Variants in EFNA5 observed in about 807,000 individuals in gnomAD.
EFNA5 encodes the protein ephrin-A5.
Under a neutral mutation model 22.9 loss-of-function variants are expected in EFNA5, and 5 were observed. The observed-to-expected ratio is 0.22, with a 90% CI of 0.11 to 0.46. The LOEUF (loss-of-function observed/expected upper bound fraction) is 0.46. EFNA5 is among the 20% of genes least tolerant of loss of function. EFNA5 has a pLI of 0.99. For missense variants in EFNA5, 237 were observed against 293.3 expected (o/e 0.81, Z 1.40); for synonymous variants, 113 against 112.2 (o/e 1.01, Z -0.04).
chr5:107,516,778 G>A (rs1212552101), intron 1 of EFNA5, among the ~76,000 whole-genome samples: 1 of 152,148 alleles, frequency 6.6e-6, no homozygotes, highest in African/African-American at 2.4e-5. Context: ...TTGCTCCTCT[G>A]TAGGCTTAGG....
chr5:107,618,132 C>G (rs1749961867), intron 1 of EFNA5, among the ~76,000 whole-genome samples: 3 of 152,144 alleles, frequency 2.0e-5, no homozygotes, highest in Non-Finnish European at 2.9e-5. Context: ...GGTACAATAT[C>G]TTTATGTGCA....
In EFNA5 at chr5:107,573,725, C is replaced by G. The variant is rs545846049; in HGVS notation, c.125+96764G>C. On this transcript the variant is annotated intron_variant, in intron 1 of 4. Coordinates refer to ENST00000333274, the MANE Select transcript of EFNA5 (RefSeq NM_001962.3). ...CATGCTATGGTTTAGAGAGTTCAACCCTTACCTATCAAAAGGTCTGGGAAT... is the reference window on the plus strand; with the variant it reads ...CATGCTATGGTTTAGAGAGTTCAACGCTTACCTATCAAAAGGTCTGGGAAT... 2.0e-5 allele frequency among the ~76,000 whole-genome samples: 3 copies of G among 152,174 alleles called. No individual in the cohort carries two copies. The East Asian group carries it at 5.8e-4, about 29-fold the overall frequency.
intron 1 of EFNA5, among the ~76,000 whole-genome samples, chr5:107,668,778 T>C (rs770265180): frequency 2.0e-5 from 3 of 152,190 alleles, no homozygotes; most frequent in African/African-American, 4.8e-5. Context: ...AGACTGGCTT[T>C]TAACACCATC....
chr5:107,550,997 A>G (rs1156733288), intron 1 of EFNA5, among the ~76,000 whole-genome samples: 1 of 152,250 alleles, frequency 6.6e-6, no homozygotes, highest in African/African-American at 2.4e-5. Context: ...AGTACCCTAC[A>G]TTAATAAGGT....
intron 1 of EFNA5, among the ~76,000 whole-genome samples, chr5:107,463,614 G>C (rs1749894452): frequency 6.6e-6 from 1 of 152,154 alleles, no homozygotes; most frequent in Non-Finnish European, 1.5e-5. Flanking sequence ...AAACAATTTA[G>C]AGAGTAAATA....
intron 1 of EFNA5, among the ~76,000 whole-genome samples, chr5:107,601,527 A>G (rs1749594838): frequency 6.6e-6 from 1 of 152,234 alleles, no homozygotes; most frequent in Admixed American, 6.5e-5. Flanking sequence ...TCTTAAGAAG[A>G]GAGCAAAATA....
At chr5:107,501,678 G>T (rs1157889899) in intron 1 of EFNA5, among the ~76,000 whole-genome samples, 4 of 152,102 alleles carry the variant, frequency 2.6e-5, no homozygotes, top group African/African-American at 9.7e-5. Flanking sequence ...TAAACTAAAA[G>T]TTAAGATACA....
chr5:107,594,443 G>A (rs1423656792), intron 1 of EFNA5, among the ~76,000 whole-genome samples: 2 of 152,140 alleles, frequency 1.3e-5, no homozygotes, highest in African/African-American at 4.8e-5. Context: ...ACTGAGCCAG[G>A]TCACTGCAGG....
At chr5:107,551,402 T>G (rs1748293432) in intron 1 of EFNA5, among the ~76,000 whole-genome samples, 2 of 152,202 alleles carry the variant, frequency 1.3e-5, no homozygotes, top group South Asian at 4.1e-4. Context: ...TACACTCTTC[T>G]GCCTCAGAAA....
At chr5:107,545,831 G>A (rs913776916) in intron 1 of EFNA5, among the ~76,000 whole-genome samples, 10 of 152,102 alleles carry the variant, frequency 6.6e-5, no homozygotes, top group African/African-American at 1.9e-4. Context: ...AAAGCCATTC[G>A]TTTTTTTCCT....
At chr5:107,406,453 C>G (rs993551963) in intron 2 of EFNA5, among the ~76,000 whole-genome samples, 6 of 152,024 alleles carry the variant, frequency 3.9e-5, no homozygotes, top group Non-Finnish European at 7.4e-5. Context: ...CTGGAAAACT[C>G]TCTTGCCAAA....
chr5:107,621,288 G>A (rs761776742), intron 1 of EFNA5, among the ~76,000 whole-genome samples: 2 of 152,132 alleles, frequency 1.3e-5, no homozygotes, highest in African/African-American at 4.8e-5. Context: ...TTGGGAAGCC[G>A]GCTTCTGCTT....
chr5:107,399,883 C>T (rs1748039889), intron 2 of EFNA5, among the ~76,000 whole-genome samples: 1 of 152,060 alleles, frequency 6.6e-6, no homozygotes, highest in African/African-American at 2.4e-5. Flanking sequence ...TAACTTTGGC[C>T]AACTTGAGTA....
At chr5:107,620,523 T>C (rs527548859) in intron 1 of EFNA5, among the ~76,000 whole-genome samples, 1 of 152,392 alleles carries the variant, frequency 6.6e-6, no homozygotes, top group South Asian at 2.1e-4. Context: ...TAATGGGTTC[T>C]GTATTTTCAG....
intron 1 of EFNA5, among the ~76,000 whole-genome samples, chr5:107,617,738 C>T (rs1749952972): frequency 6.6e-6 from 1 of 152,174 alleles, no homozygotes; most frequent in South Asian, 2.1e-4. Flanking sequence ...AGGATTTGGA[C>T]TGAAGTGCTC....
intron 2 of EFNA5, among the ~76,000 whole-genome samples, chr5:107,406,229 A>T: frequency 6.6e-6 from 1 of 150,808 alleles, no homozygotes; most frequent in East Asian, 1.9e-4. Context: ...CAAATATTAA[A>T]TTAATAGAAT....
chr5:107,391,105 G>A (rs563762638), intron 2 of EFNA5, among the ~76,000 whole-genome samples: 13 of 152,354 alleles, frequency 8.5e-5, no homozygotes, highest in Middle Eastern at 3.4e-3. Flanking sequence ...GTTGCAGTGA[G>A]CCGAGACTGA....
At chr5:107,546,402 G>A (rs1302855387) in intron 1 of EFNA5, among the ~76,000 whole-genome samples, 1 of 152,146 alleles carries the variant, frequency 6.6e-6, no homozygotes. Context: ...CCTTTCATAA[G>A]CAAGACAAAT....
intron 1 of EFNA5, among the ~76,000 whole-genome samples, chr5:107,648,100 T>C (rs1179541570): frequency 6.6e-6 from 1 of 152,196 alleles, no homozygotes; most frequent in African/African-American, 2.4e-5. Context: ...TTTGCCTAAA[T>C]CATTCTTGCA....
Sources: allele counts gnomAD v4.1 joint callset (sites outside exome capture counted in the v4.1 genomes callset), GRCh38; gene constraint gnomAD v4.1.1; transcripts MANE v1.5; gene names NCBI Gene and HGNC (gene_info 2026-07-23, HGNC 2026-07-21).